Variants in NTNG1 observed in about 807,000 individuals in gnomAD.
NTNG1 encodes netrin-G1.
In NTNG1, 16 loss-of-function variants were observed where a neutral mutation model predicts 54.0. The ratio of observed to expected loss-of-function variants is 0.30; its 90% CI spans 0.20 to 0.45. The LOEUF (loss-of-function observed/expected upper bound fraction) is 0.45, where lower values mean the gene tolerates loss of function less well. Among genes scored for constraint, NTNG1 ranks in the 20% least tolerant of loss-of-function variants. The probability of loss-of-function intolerance (pLI) is 1.00; values close to 1 mark genes in which losing one functional copy is unlikely to be tolerated. For synonymous variants in NTNG1, 255 were observed against 263.1 expected, an observed-to-expected ratio of 0.97 and a Z score of 0.30; for missense variants, 530 against 678.7, an observed-to-expected ratio of 0.78 and a Z score of 2.43.
intron 3 of NTNG1, among the ~76,000 whole-genome samples, chr1:107,363,182 C>A (rs971934754): frequency 6.6e-6 from 1 of 152,122 alleles, no homozygotes; most frequent in Admixed American, 6.5e-5. Context: ...ATTTTCACAC[C>A]TGAATTTCAT....
At chr1:107,289,603 C>T (rs1272469170) in intron 2 of NTNG1, among the ~76,000 whole-genome samples, 2 of 152,122 alleles carry the variant, frequency 1.3e-5, no homozygotes, top group Admixed American at 1.3e-4. Flanking sequence ...AGTCTTTCTT[C>T]AACCCTAGCC....
chr1:107,333,360 A>AT (rs1557907919), intron 3 of NTNG1, among the ~76,000 whole-genome samples: 2 of 151,936 alleles, frequency 1.3e-5, no homozygotes, highest in South Asian at 4.2e-4. Context: ...GTTTCTCAGG[A>AT]TGTACTCTTC....
At chr1:107,156,489 G>A (rs1420973392) in intron 2 of NTNG1, among the ~76,000 whole-genome samples, 1 of 152,096 alleles carries the variant, frequency 6.6e-6, no homozygotes, top group Non-Finnish European at 1.5e-5. Context: ...TATCCAAGTG[G>A]AAGGCAATTA....
At chr1:107,304,803 G>A (rs897723740) in intron 2 of NTNG1, among the ~76,000 whole-genome samples, 2 of 151,422 alleles carry the variant, frequency 1.3e-5, no homozygotes, top group African/African-American at 4.9e-5. Flanking sequence ...TGTTACATAG[G>A]TATACACATG....
At chr1:107,423,546 A>G (rs1289091418) in intron 5 of NTNG1, among the ~76,000 whole-genome samples, 2 of 152,102 alleles carry the variant, frequency 1.3e-5, no homozygotes, top group African/African-American at 4.8e-5. Context: ...GGTACAGGGT[A>G]GTTCTCAATA....
intron 2 of NTNG1, among the ~76,000 whole-genome samples, chr1:107,210,631 A>G (rs1659536514): frequency 6.6e-6 from 1 of 152,144 alleles, no homozygotes; most frequent in South Asian, 2.1e-4. Context: ...CTGTGAAAAG[A>G]TTGTTGAGGG....
intron 2 of NTNG1, among the ~76,000 whole-genome samples, chr1:107,265,326 G>GA (rs574774348): frequency 0.075 from 10,753 of 143,112 alleles, 1,230 homozygotes; most frequent in African/African-American, 0.25. Flanking sequence ...TACTTTGCCA[G>GA]AAAAAAAAAA....
Position 107,483,015 on chromosome 1 carries a change from T to C in NTNG1, c.*2175T>C, listed in dbSNP as rs1678820975. The C allele has an allele frequency of 1.3e-5, 2 of 152,308 alleles. No homozygotes were observed. The highest frequency in any genetic ancestry group is 4.8e-5 in the African/African-American group (2 of 41,572). The allele number at this position is 152,308 out of a possible 1,614,324, so 9.4% of individuals were successfully genotyped here. On this transcript the variant is annotated 3_prime_UTR_variant, in exon 8 of 8. Transcript: ENST00000370068. Reference sequence around the variant, plus strand: ...GCCAACCAGAAATTGGAGATTTACGTTGGAAGCATAAATAGAAAATTATAT... The same window carrying C: ...GCCAACCAGAAATTGGAGATTTACGCTGGAAGCATAAATAGAAAATTATAT...
intron 7 of NTNG1, among the ~76,000 whole-genome samples, chr1:107,473,697 C>T (rs1451867952): frequency 6.6e-6 from 1 of 152,194 alleles, no homozygotes; most frequent in Non-Finnish European, 1.5e-5. Context: ...GCTGCTTGAT[C>T]AGTTCTTTCA....
chr1:107,421,308 GA>G (rs201899354), intron 5 of NTNG1, among the ~76,000 whole-genome samples: 10 of 150,188 alleles, frequency 6.7e-5, no homozygotes, highest in South Asian at 4.2e-4. Flanking sequence ...TCATCTGTAA[GA>G]AAAAAAAATG....
At chr1:107,241,927 C>T (rs571810561) in intron 2 of NTNG1, among the ~76,000 whole-genome samples, 2 of 152,200 alleles carry the variant, frequency 1.3e-5, no homozygotes, top group South Asian at 2.1e-4. Flanking sequence ...TGCTCACAGA[C>T]GTTTTAGTTA....
intron 2 of NTNG1, among the ~76,000 whole-genome samples, chr1:107,210,555 C>G (rs1659531788): frequency 6.6e-6 from 1 of 152,156 alleles, no homozygotes; most frequent in South Asian, 2.1e-4. Context: ...TCAGGCTATC[C>G]TCAAGCTATC....
intron 2 of NTNG1, among the ~76,000 whole-genome samples, chr1:107,234,171 G>T (rs1396017319): frequency 2.0e-5 from 3 of 152,174 alleles, no homozygotes; most frequent in Non-Finnish European, 4.4e-5. Flanking sequence ...TGCCCAGGCT[G>T]CAGAGCAGTG....
intron 1 of NTNG1, chr1:107,141,589 C>G (rs1034364489): frequency 6.6e-6 from 1 of 152,234 alleles, no homozygotes; most frequent in African/African-American, 2.4e-5. Context: ...AGGGAAGGCT[C>G]CGGGTGGGCG....
At chr1:107,402,113 T>G (rs1673078811) in intron 4 of NTNG1, among the ~76,000 whole-genome samples, 2 of 152,176 alleles carry the variant, frequency 1.3e-5, no homozygotes, top group Non-Finnish European at 2.9e-5. Context: ...AACCACAATA[T>G]GAAATAACTG....
intron 2 of NTNG1, among the ~76,000 whole-genome samples, chr1:107,250,588 TAAAAG>T (rs201194750): frequency 0.033 from 4,988 of 151,340 alleles, 109 homozygotes; most frequent in Non-Finnish European, 0.052. Flanking sequence ...ATAAAAAAAA[TAAAAG>T]AAAGACAACT....
In NTNG1 at chr1:107,454,352, G is replaced by A. The variant is rs550313047; in HGVS notation, c.1390+17553G>A. 1.4e-4 allele frequency among the ~76,000 whole-genome samples: 22 copies of A among 152,294 alleles called. No individual in the cohort carries two copies. In the South Asian group the frequency reaches 4.4e-3, roughly 30 times the overall value. ...ACCCATGCATACTTTGCACAAGCAA[G>A]TTATACTCAGATTACCAGCTCACAA... On this transcript the variant is annotated intron_variant, in intron 7 of 7. Transcript: ENST00000370068.
At chr1:107,454,989 G>C (rs1235857712) in intron 7 of NTNG1, among the ~76,000 whole-genome samples, 2 of 152,026 alleles carry the variant, frequency 1.3e-5, no homozygotes, top group African/African-American at 4.8e-5. Context: ...TGCCAACTCT[G>C]TGGTAAGCCT....
chr1:107,419,623 CA>C (rs11370557), intron 5 of NTNG1, among the ~76,000 whole-genome samples: 36,555 of 139,174 alleles, frequency 0.26, 5,025 homozygotes, highest in East Asian at 0.32. Flanking sequence ...CTTCCTTCTT[CA>C]AAAAAAAAAA....
Sources: gnomAD v4.1 joint callset for allele counts (sites outside exome capture counted in the v4.1 genomes callset) on GRCh38, gnomAD v4.1.1 for gene constraint, MANE v1.5 for transcripts, NCBI Gene and HGNC (gene_info 2026-07-23, HGNC 2026-07-21) for gene names.